Variants in GPX6 observed in about 807,000 individuals in gnomAD.
The protein encoded by GPX6 is glutathione peroxidase 6 (olfactory).
A neutral mutation model predicts 20.0 loss-of-function variants in GPX6; 21 were observed. The ratio of observed to expected loss-of-function variants is 1.05; its 90% CI spans 0.74 to 1.51. The LOEUF (loss-of-function observed/expected upper bound fraction) is 1.51. GPX6 is among the 40% of genes most tolerant of loss of function. GPX6 has a pLI of 0.00. For missense variants in GPX6, 233 were observed against 254.7 expected, an observed-to-expected ratio of 0.91 and a Z score of 0.58; for synonymous variants, 75 against 98.0, an observed-to-expected ratio of 0.77 and a Z score of 1.38.
chr6:28,508,115 G>T (rs1466415613), intron 2 of GPX6, among the ~76,000 whole-genome samples: 2 of 152,154 alleles, frequency 1.3e-5, no homozygotes, highest in Non-Finnish European at 2.9e-5. Context: ...TATATCTCTT[G>T]AATTTTGAAT....
chr6:28,514,201 C>T (rs576623378), intron 1 of GPX6, among the ~76,000 whole-genome samples: 10 of 152,282 alleles, frequency 6.6e-5, no homozygotes, highest in African/African-American at 2.2e-4. Flanking sequence ...CTTTGTGCTA[C>T]CTTAGCTCTG....
intron 1 of GPX6, among the ~76,000 whole-genome samples, chr6:28,511,721 T>C (rs1762879694): frequency 6.6e-6 from 1 of 152,274 alleles, no homozygotes; most frequent in Non-Finnish European, 1.5e-5. Context: ...CTCCTCGGCC[T>C]TGGCGCCCAC....
chr6:28,513,145 C>G (rs780142394), intron 1 of GPX6, among the ~76,000 whole-genome samples: 1 of 152,212 alleles, frequency 6.6e-6, no homozygotes. Flanking sequence ...CTGATGAGAG[C>G]TACTTCCACT....
At chr6:28,505,647 A>G in intron 4 of GPX6, 56 bp downstream of exon 4, 1 of 1,387,382 alleles carries the variant, frequency 7.2e-7, no homozygotes, top group Non-Finnish European at 1.0e-6. Context: ...CATGAGCCCC[A>G]CTGCTTTCAG....
At chr6:28,509,384 A>T (rs942082572) in intron 2 of GPX6, among the ~76,000 whole-genome samples, 2 of 144,506 alleles carry the variant, frequency 1.4e-5, no homozygotes, top group Non-Finnish European at 3.0e-5. Flanking sequence ...AAAAAAAAAA[A>T]TTAGCTAGAT....
At chr6:28,505,197 G>A (rs931283302) in intron 4 of GPX6, among the ~76,000 whole-genome samples, 1 of 152,042 alleles carries the variant, frequency 6.6e-6, no homozygotes, top group Non-Finnish European at 1.5e-5. Flanking sequence ...TTTTTCCCTT[G>A]TTTGCTGTGG....
chr6:28,506,394 C>T lies in GPX6; in HGVS notation c.277G>A (p.Gly93Ser), dbSNP rs1308289076. 6.2e-7 allele frequency: 1 copy of T among 1,613,408 alleles called. No individual in the cohort carries two copies. The highest frequency in any genetic ancestry group is 8.5e-7 in the Non-Finnish European group (1 of 1,179,428). Residue 93 changes from glycine (G) to serine (S), a missense_variant, in exon 3 of 5, where the codon GGT (glycine) becomes AGT (serine). Coordinates refer to ENST00000361902, the MANE Select transcript of GPX6 (RefSeq NM_182701.1). ...NALQEELKNF[G>S]VIVLAFPCNQ... ...CAGGGAAAGGCCAACACAATGACAC[C>T]AAAATTCTTCAGCTCCTCCTGTAGT...
intron 4 of GPX6, 107 bp downstream of exon 4, chr6:28,505,596 C>A: frequency 3.6e-6 from 3 of 827,120 alleles, no homozygotes; most frequent in Non-Finnish European, 6.1e-6. Context: ...TTGAACTTAT[C>A]TGAGCATCTC....
At chr6:28,509,400 G>T (rs2113600608) in intron 2 of GPX6, among the ~76,000 whole-genome samples, 1 of 151,676 alleles carries the variant, frequency 6.6e-6, no homozygotes, top group African/African-American at 2.4e-5. Flanking sequence ...TAGATATAGT[G>T]GTGCATGCCT....
At chr6:28,507,902 T>A (rs1015920151) in intron 2 of GPX6, among the ~76,000 whole-genome samples, 2 of 152,234 alleles carry the variant, frequency 1.3e-5, no homozygotes, top group Admixed American at 1.3e-4. Flanking sequence ...GTCCCCACTG[T>A]ATGTGATATA....
intron 1 of GPX6, among the ~76,000 whole-genome samples, chr6:28,513,414 C>A (rs1329191269): frequency 1.3e-5 from 2 of 152,140 alleles, no homozygotes; most frequent in East Asian, 3.9e-4. Flanking sequence ...TTGTATGCTC[C>A]CCCTCTGCTC....
At chr6:28,512,981 C>A (rs1169311162) in intron 1 of GPX6, among the ~76,000 whole-genome samples, 1 of 152,008 alleles carries the variant, frequency 6.6e-6, no homozygotes, top group Non-Finnish European at 1.5e-5. Context: ...GACACGCTGC[C>A]TTAAAGAACT....
intron 1 of GPX6, among the ~76,000 whole-genome samples, chr6:28,511,575 A>T (rs1367234519): frequency 6.6e-6 from 1 of 152,272 alleles, no homozygotes; most frequent in African/African-American, 2.4e-5. Flanking sequence ...AGCCAGAGGC[A>T]CTGGCGCTGG....
At position 28,504,057 on chromosome 6, in the gene GPX6, T is replaced by A. The variant is rs1762781667; in HGVS notation, c.*235A>T. On this transcript the variant is annotated 3_prime_UTR_variant, in exon 5 of 5. Transcript: ENST00000361902. ...CACACACACACACACACACCATACA[T>A]ACACCTATGCATATACCAACAAATA... 5.6e-6 allele frequency: 3 copies of A among 531,332 alleles called. No homozygotes were observed. The highest frequency in any genetic ancestry group is 3.9e-5 in the African/African-American group (2 of 51,064). The allele number at this position is 531,332 out of a possible 1,614,324, so 32.9% of individuals were successfully genotyped here.
At chr6:28,511,050 G>T in intron 1 of GPX6, 146 bp from the exon 2 acceptor site, 2 of 645,022 alleles carry the variant, frequency 3.1e-6, no homozygotes, top group Non-Finnish European at 2.4e-6. Context: ...AAAATTTTTA[G>T]TTAGAGCTGA....
intron 1 of GPX6, among the ~76,000 whole-genome samples, chr6:28,511,938 C>G (rs576542009): frequency 1.3e-5 from 2 of 151,634 alleles, no homozygotes; most frequent in African/African-American, 4.8e-5. Context: ...CTCGGAGCGG[C>G]CAGCCGGCCC....
chr6:28,506,374 A>G lies in GPX6; in HGVS notation c.297T>C (p.Phe99=). The change falls in exon 3 of 5, where the codon TTT becomes TTC. Residue 99 remains phenylalanine (F), a synonymous_variant. Transcript: ENST00000361902. ...CTTGTTTTCCAAACTGGTTGCAGGG[A>G]AAGGCCAACACAATGACACCAAAAT... ...LKNFGVIVLA[F]PCNQFGKQEP... 1 of 1,613,974 alleles carries G rather than the reference A, an allele frequency of 6.2e-7. No individual in the cohort carries two copies. The highest frequency in any genetic ancestry group is 2.2e-5 in the East Asian group (1 of 44,884).
In GPX6 at chr6:28,503,579, A is replaced by G. The variant is rs565298623; in HGVS notation, c.*713T>C. 1 of 152,472 alleles carries G rather than the reference A, an allele frequency of 6.6e-6. No homozygotes were observed. The highest frequency in any genetic ancestry group is 6.5e-5 in the Admixed American group (1 of 15,302). 9.4% of individuals were successfully genotyped at this position (152,472 alleles called of 1,614,324 possible). On this transcript the variant is annotated 3_prime_UTR_variant, in exon 5 of 5. Coordinates refer to ENST00000361902, the MANE Select transcript of GPX6 (RefSeq NM_182701.1). ...ACAGGGACACCCCTGCCCAGGTGCC[A>G]TGACCTGAATGCACTAAGGGACAGG...
chr6:28,511,740 C>T (rs912597904), intron 1 of GPX6, among the ~76,000 whole-genome samples: 23 of 152,274 alleles, frequency 1.5e-4, no homozygotes, highest in African/African-American at 5.1e-4. Flanking sequence ...ACTCTGGTCG[C>T]GCTTAAGAGG....
Sources: gnomAD v4.1 joint callset for allele counts (sites outside exome capture counted in the v4.1 genomes callset) on GRCh38, gnomAD v4.1.1 for gene constraint, MANE v1.5 for transcripts, NCBI Gene and HGNC (gene_info 2026-07-23, HGNC 2026-07-21) for gene names.